The following SRGAP3 variants were observed in gnomAD, a reference collection of about 807,000 sequenced individuals.
SRGAP3 encodes SLIT-ROBO Rho GTPase activating protein 3.
SRGAP3 carries 39 observed loss-of-function variants against 121.1 expected under a neutral mutation model. That is an observed-to-expected ratio of 0.32 (90% confidence interval 0.25 to 0.42). SRGAP3 has a LOEUF of 0.42. Among genes scored for constraint, SRGAP3 ranks in the 10% least tolerant of loss-of-function variants. The pLI is 1.00. For synonymous variants in SRGAP3, 601 were observed against 570.0 expected (o/e 1.05, Z -0.77); for missense variants, 1,213 against 1,470.6 (o/e 0.82, Z 2.86).
chr3:9,335,969 G>A (rs1559282377), intron 1 of SRGAP3, among the ~76,000 whole-genome samples: 1 of 152,016 alleles, frequency 6.6e-6, no homozygotes, highest in Non-Finnish European at 1.5e-5. Context: ...GAAACTAGGG[G>A]AAAAAAGAAG....
intron 1 of SRGAP3, among the ~76,000 whole-genome samples, chr3:9,333,945 A>T (rs1240603145): frequency 6.6e-6 from 1 of 152,172 alleles, no homozygotes; most frequent in Non-Finnish European, 1.5e-5. Flanking sequence ...CAGAAATGGT[A>T]AAGAAATGCA....
chr3:9,294,992 TC>T (rs1954929408), intron 3 of SRGAP3, among the ~76,000 whole-genome samples: 1 of 152,160 alleles, frequency 6.6e-6, no homozygotes, highest in Non-Finnish European at 1.5e-5. Context: ...CGAAGGAAAC[TC>T]CTAGGAAATC....
intron 3 of SRGAP3, among the ~76,000 whole-genome samples, chr3:9,303,572 T>C (rs1955105545): frequency 6.6e-6 from 1 of 152,224 alleles, no homozygotes; most frequent in African/African-American, 2.4e-5. Context: ...TTTATCCTTG[T>C]TGATTTAGCT....
At chr3:9,220,166 G>A (rs541604596) in intron 1 of SRGAP3, among the ~76,000 whole-genome samples, 1 of 152,232 alleles carries the variant, frequency 6.6e-6, no homozygotes, top group South Asian at 2.1e-4. Context: ...CTATTTCATA[G>A]TAGCTAGGAG....
chr3:9,043,509 G>T (rs1339800461), intron 10 of SRGAP3, among the ~76,000 whole-genome samples: 1 of 152,000 alleles, frequency 6.6e-6, no homozygotes, highest in Non-Finnish European at 1.5e-5. Flanking sequence ...GGAGTGGAAT[G>T]TCAGAACACA....
At chr3:9,007,434 C>A (rs1397005643) in intron 18 of SRGAP3, 1 of 152,162 alleles carries the variant, frequency 6.6e-6, no homozygotes, top group Non-Finnish European at 1.5e-5. Flanking sequence ...ATACCGGGTG[C>A]TGTCAAGAGC....
intron 1 of SRGAP3, among the ~76,000 whole-genome samples, chr3:9,190,112 T>C (rs1321598448): frequency 2.6e-5 from 4 of 152,126 alleles, no homozygotes; most frequent in Non-Finnish European, 4.4e-5. Context: ...AAAGTAGGGA[T>C]TGACACACGG....
Position 9,348,495 on chromosome 3 carries a change from C to T in SRGAP3, n.214+14345G>A, listed in dbSNP as rs59781497. ...CAGCATGGCGAGAGCATGTGGAATC[C>T]GGAGAACCGCTTCAGCAGCTGGTAC... On this transcript the variant is annotated intron_variant and non_coding_transcript_variant, in intron 1 of 3. Coordinates refer to the SRGAP3 transcript ENST00000490889. The T allele has an allele frequency of 5.5e-3, 4,056 of 732,128 alleles. 120 individuals carry two copies. In the African/African-American group the frequency reaches 0.059, roughly 11 times the overall value. 45.4% of individuals were successfully genotyped at this position (732,128 alleles called of 1,614,324 possible). A position where few individuals can be genotyped will look rare whatever the true frequency, so the allele number is the denominator to read the frequency against.
intron 1 of SRGAP3, among the ~76,000 whole-genome samples, chr3:9,245,305 G>GCCTGCACTGAGGTGGTAGGC (rs1953779738): frequency 6.6e-6 from 1 of 152,114 alleles, no homozygotes; most frequent in African/African-American, 2.4e-5. Flanking sequence ...CCCTTCTACT[G>GCCTGCACTGAGGTGGTAGGC]CCTGCACTGA....
At chr3:8,994,238 G>T in intron 19 of SRGAP3, 105 bp downstream of exon 19, 1 of 1,434,122 alleles carries the variant, frequency 7.0e-7, no homozygotes. Flanking sequence ...ATGATATCAA[G>T]GAGAGCAAAT....
intron 3 of SRGAP3, chr3:9,256,998 C>T (rs78718528): frequency 1.0e-5 from 4 of 396,538 alleles, no homozygotes; most frequent in Admixed American, 4.4e-5. Context: ...TAGCTGGCAC[C>T]CAGTAAGTGC....
At chr3:9,314,053 A>G (rs2125279605) in intron 3 of SRGAP3, among the ~76,000 whole-genome samples, 1 of 152,374 alleles carries the variant, frequency 6.6e-6, no homozygotes, top group East Asian at 1.9e-4. Flanking sequence ...GCCTATTAGA[A>G]CATAACTCCT....
At chr3:9,157,205 A>G (rs548681570) in intron 1 of SRGAP3, among the ~76,000 whole-genome samples, 1 of 152,296 alleles carries the variant, frequency 6.6e-6, no homozygotes, top group African/African-American at 2.4e-5. Context: ...ACTTATAATC[A>G]CGGCAGAAGG....
intron 3 of SRGAP3, among the ~76,000 whole-genome samples, chr3:9,090,935 C>G (rs1947727692): frequency 1.3e-5 from 2 of 152,140 alleles, no homozygotes; most frequent in African/African-American, 2.4e-5. Context: ...CCATGCCCAG[C>G]CTGAAAAGCT....
chr3:8,989,393 C>A lies in SRGAP3; in HGVS notation c.2886+1119G>T, dbSNP rs542563012. On this transcript the variant is annotated intron_variant, in intron 21 of 21. Transcript: ENST00000383836. ...CCAAACTAGAGCCTGCTGGTGTGAA[C>A]AGGAGTACTCATTGCTAGGTGAGCT... is the stretch of plus-strand genomic sequence containing the variant. 1.2e-4 allele frequency among the ~76,000 whole-genome samples: 19 copies of A among 152,354 alleles called. 1 individual carries two copies. The South Asian group carries it at 3.7e-3, about 30-fold the overall frequency.
At position 9,047,469 on chromosome 3, in the gene SRGAP3, T is replaced by C. The variant is rs774918259; in HGVS notation, c.1330A>G (p.Lys444Glu). 2 of 1,614,152 alleles carry C rather than the reference T, an allele frequency of 1.2e-6. No homozygotes were observed. Among genetic ancestry groups the C allele is most frequent in the Non-Finnish European group, 1.7e-6 (2 of 1,180,022 alleles). ...ETEMFYFTKF[K>E]EYVNGSNLIT... ...AGGTTACTGCCATTCACATACTCTT[T>C]AAATTTCTGTAAGACACAAGGCACA... The change falls in exon 10 of 22, where the codon AAA (lysine) becomes GAA (glutamate). Residue 444 changes from lysine (K) to glutamate (E), a missense_variant. By Grantham distance (56) the Lys-to-Glu change is moderately conservative (BLOSUM62 1). Coordinates refer to ENST00000383836, the MANE Select transcript of SRGAP3 (RefSeq NM_014850.4).
At chr3:9,043,397 G>A (rs747829610) in intron 10 of SRGAP3, among the ~76,000 whole-genome samples, 1 of 152,144 alleles carries the variant, frequency 6.6e-6, no homozygotes, top group East Asian at 1.9e-4. Flanking sequence ...TACCTTTCTC[G>A]TGTACCACTA....
At chr3:9,146,816 T>C (rs1370826843) in intron 1 of SRGAP3, among the ~76,000 whole-genome samples, 3 of 152,154 alleles carry the variant, frequency 2.0e-5, no homozygotes, top group African/African-American at 7.2e-5. Flanking sequence ...TGCGTCCCTC[T>C]TGGGTGCTTG....
intron 1 of SRGAP3, among the ~76,000 whole-genome samples, chr3:9,168,823 A>C (rs1007507564): frequency 1.4e-4 from 21 of 152,262 alleles, no homozygotes; most frequent in African/African-American, 5.1e-4. Flanking sequence ...ACTCAGCCAG[A>C]CTGGCACAGA....
Sources: allele counts gnomAD v4.1 joint callset (sites outside exome capture counted in the v4.1 genomes callset), GRCh38; gene constraint gnomAD v4.1.1; transcripts MANE v1.5; gene names NCBI Gene and HGNC (gene_info 2026-07-23, HGNC 2026-07-21).